Variants in OR52N1 observed in about 807,000 individuals in gnomAD.
OR52N1 encodes olfactory receptor 52N1.
In OR52N1, 11 loss-of-function variants were observed where a neutral mutation model predicts 13.9. That is an observed-to-expected ratio of 0.79 (90% CI 0.50 to 1.31). The LOEUF (loss-of-function observed/expected upper bound fraction) is 1.31. Ranked by LOEUF, OR52N1 falls within the 40% of genes most tolerant of loss-of-function variation. OR52N1 has a pLI of 0.00. For synonymous variants in OR52N1, 142 were observed against 143.7 expected, an observed-to-expected ratio of 0.99 and a Z score of 0.08; for missense variants, 414 against 397.7, an observed-to-expected ratio of 1.04 and a Z score of -0.35.
In OR52N1 at chr11:5,788,630, C is replaced by A. The variant is rs1854623838; in HGVS notation, c.187G>T (p.Val63Phe). 1 of 1,613,936 alleles carries A rather than the reference C, an allele frequency of 6.2e-7. No individual in the cohort carries two copies. ...CDEALHRPMY[V>F]FLALLSFTDV... is the part of the protein sequence containing the mutation. The stretch of plus-strand genomic sequence containing the variant: ...GTGAAGGAAAGAAGGGCAAGGAAGA[C>A]ATACATAGGTCTGTGTAAGGCCTCA... Residue 63 changes from valine (V) to phenylalanine (F), a missense_variant, in exon 2 of 2, where the codon GTC becomes TTC. Transcript: ENST00000641645.
At chr11:5,790,915 T>A (rs1373500953) in intron 1 of OR52N1, among the ~76,000 whole-genome samples, 196 bp downstream of exon 1, 2 of 152,108 alleles carry the variant, frequency 1.3e-5, no homozygotes, top group South Asian at 4.1e-4. Flanking sequence ...TAGTTTCTTT[T>A]GCTGTGCATA....
In OR52N1 at chr11:5,786,519, A is replaced by T. The variant is rs903116588; in HGVS notation, c.*1335T>A. On this transcript the variant is annotated 3_prime_UTR_variant, in exon 2 of 2. Coordinates refer to ENST00000641645, the MANE Select transcript of OR52N1 (RefSeq NM_001001913.2). ...TTCCCACCTATGAGTGAGAACATGC[A>T]GTGTTTGGTTTTTTGTCCTTGCGAT... 3.2e-5 allele frequency: 4 copies of T among 124,878 alleles called. No individual in the cohort carries two copies. The Admixed American group carries it at 3.6e-4, about 11-fold the overall frequency. The allele number at this position is 124,878 out of a possible 1,614,324, so 7.7% of individuals were successfully genotyped here.
In OR52N1 at chr11:5,786,877, G is replaced by T. The variant is rs1048180752; in HGVS notation, c.*977C>A. 1 of 139,986 alleles carries T rather than the reference G, an allele frequency of 7.1e-6. No individual in the cohort carries two copies. The highest frequency in any genetic ancestry group is 2.6e-5 in the African/African-American group (1 of 38,188). 8.7% of individuals were successfully genotyped at this position (139,986 alleles called of 1,614,324 possible). A position where few individuals can be genotyped will look rare whatever the true frequency, so the allele number is the denominator to read the frequency against. On this transcript the variant is annotated 3_prime_UTR_variant, in exon 2 of 2. Coordinates refer to ENST00000641645, the MANE Select transcript of OR52N1 (RefSeq NM_001001913.2). ...AAGTTAACATACTTCTGAAAGAAAA[G>T]AAAGTATATATACTTTGTAAACTAT... is the stretch of plus-strand genomic sequence containing the variant.
rs1854593504 is a variant in OR52N1 at position 5,786,481 on chromosome 11, T to C, written c.*1373A>G. ...TGTTCCCCTTCCTGTGTCCAAGTGTTCTCATTGTTCAATTCCCACCTATGA... is the reference window on the plus strand; with the variant it reads ...TGTTCCCCTTCCTGTGTCCAAGTGTCCTCATTGTTCAATTCCCACCTATGA... On this transcript the variant is annotated 3_prime_UTR_variant, in exon 2 of 2. Coordinates refer to ENST00000641645, the MANE Select transcript of OR52N1 (RefSeq NM_001001913.2). 3 of 114,744 alleles carry C rather than the reference T, an allele frequency of 2.6e-5. 1 individual carries two copies. The Admixed American group carries it at 2.9e-4, about 11-fold the overall frequency. 7.1% of individuals were successfully genotyped at this position (114,744 alleles called of 1,614,324 possible).
In OR52N1 at chr11:5,788,877, A is replaced by C; in HGVS notation, c.-44-17T>G. On this transcript the variant is annotated splice_polypyrimidine_tract_variant and intron_variant, in intron 1 of 1. Coordinates refer to ENST00000641645, the MANE Select transcript of OR52N1 (RefSeq NM_001001913.2). ...GCATTGCCTCTGTGAGCAGGAAATA[A>C]AAAAAAGAGTAATTTCAAGGAGTGA... The C allele has an allele frequency of 7.3e-7, 1 of 1,366,378 alleles. No homozygotes were observed. Among genetic ancestry groups the C allele is most frequent in the Non-Finnish European group, 9.4e-7 (1 of 1,062,288 alleles). 84.6% of individuals were successfully genotyped at this position (1,366,378 alleles called of 1,614,324 possible). A position where few individuals can be genotyped will look rare whatever the true frequency, so the allele number is the denominator to read the frequency against.
chr11:5,789,497 G>C (rs1200907292), intron 1 of OR52N1, among the ~76,000 whole-genome samples: 2 of 151,982 alleles, frequency 1.3e-5, no homozygotes. Context: ...GATATATAGA[G>C]GATGAAGGAT....
Position 5,788,127 on chromosome 11 carries a change from T to TA in OR52N1, c.689dup (p.Ser231IlefsTer51), listed in dbSNP as rs1262269332. ...CCTTCTGTCGAGCATCTGCTGATGA[T>TA]AGACTCACAACTGCTTGAAGAATCA... On this transcript the variant is annotated frameshift_variant, in exon 2 of 2. Transcript: ENST00000641645. LOFTEE classifies it high-confidence loss of function. The TA allele has an allele frequency of 9.9e-6, 16 of 1,613,898 alleles. No homozygotes were observed. The Admixed American group carries it at 2.7e-4, about 27-fold the overall frequency.
intron 1 of OR52N1, among the ~76,000 whole-genome samples, chr11:5,790,261 T>C (rs1362828210): frequency 3.9e-5 from 6 of 152,058 alleles, no homozygotes; most frequent in African/African-American, 1.4e-4. Context: ...TAGGGCTGTA[T>C]AAATGAACTC....
rs1316915527 is a variant in OR52N1, at chr11:5,788,153, T to C, written c.664A>G (p.Met222Val). ...DILCITISYT[M>V]ILQAVVSLSS... ...AGACTCACAACTGCTTGAAGAATCA[T>C]AGTGTAGGAGATTGTAATGCACAGG... Residue 222 changes from methionine to valine, a missense_variant, in exon 2 of 2, where the codon ATG becomes GTG. Coordinates refer to ENST00000641645, the MANE Select transcript of OR52N1 (RefSeq NM_001001913.2). 5.6e-6 allele frequency: 9 copies of C among 1,613,882 alleles called. No individual in the cohort carries two copies. Among genetic ancestry groups the C allele is most frequent in the African/African-American group, 1.3e-5 (1 of 74,892 alleles).
rs781188466 is a variant in OR52N1, at chr11:5,788,306, A to G, written c.511T>C (p.Cys171Arg). The G allele has an allele frequency of 1.9e-6, 3 of 1,614,052 alleles. 1 individual carries two copies. In the South Asian group the frequency reaches 3.3e-5, roughly 18 times the overall value. Residue 171 changes from cysteine to arginine, a missense_variant, in exon 2 of 2, where the codon TGC becomes CGC. Cys to Arg is a radical substitution (Grantham distance 180). Transcript: ENST00000641645. ...STFLTKRLPY[C>R]KGNVIPHTYC... is the part of the protein sequence containing the mutation. ...GTGTGGGGTATGACGTTGCCCTTGC[A>G]GTATGGAAGGCGCTTGGTGAGGAAA...
rs1854638409 is a variant in OR52N1, at chr11:5,790,000, A to ATT, written c.-45+1109_-45+1110dup. Among the ~76,000 whole-genome samples the ATT allele has an allele frequency of 2.6e-5, 4 of 152,228 alleles. No individual in the cohort carries two copies. The South Asian group carries it at 8.3e-4, about 32-fold the overall frequency. ...TATCAGCCGGAATGTGTTGATTAAAATTTTTTAAAAGGAGCAAGTTGTGTG... is the reference window on the plus strand; with the variant it reads ...TATCAGCCGGAATGTGTTGATTAAAATTTTTTTTAAAAGGAGCAAGTTGTGTG... On this transcript the variant is annotated intron_variant, in intron 1 of 1. Transcript: ENST00000641645.
rs1467260512 is a variant in OR52N1 at position 5,788,473 on chromosome 11, C to G, written c.344G>C (p.Gly115Ala). 1 of 1,614,038 alleles carries G rather than the reference C, an allele frequency of 6.2e-7. No individual in the cohort carries two copies. Among genetic ancestry groups the G allele is most frequent in the Non-Finnish European group, 8.5e-7 (1 of 1,179,960 alleles). The change falls in exon 2 of 2, where the codon GGG (glycine) becomes GCG (alanine). Residue 115 changes from glycine to alanine, a missense_variant. Physicochemically the swap from Gly to Ala is moderately conservative, Grantham distance 60 (BLOSUM62 0). Transcript: ENST00000641645. ...FVHTFTGMES[G>A]VLMLMALDHC... ...GTCCAGGGCCATGAGCATGAGCACC[C>G]CAGACTCCATCCCTGTGAAGGTGTG...
At chr11:5,789,047 G>C (rs1007307797) in intron 1 of OR52N1, among the ~76,000 whole-genome samples, 187 bp from the exon 2 acceptor site, 5 of 152,154 alleles carry the variant, frequency 3.3e-5, no homozygotes, top group Admixed American at 6.6e-5. Flanking sequence ...GAAAAACTGA[G>C]TCTAGTCAGT....
Position 5,788,866 on chromosome 11 carries a change from A to G in OR52N1, c.-44-6T>C, listed in dbSNP as rs769356664. 1 of 1,392,672 alleles carries G rather than the reference A, an allele frequency of 7.2e-7. No homozygotes were observed. Among genetic ancestry groups the G allele is most frequent in the Non-Finnish European group, 9.3e-7 (1 of 1,079,736 alleles). The allele number at this position is 1,392,672 out of a possible 1,614,324, so 86.3% of individuals were successfully genotyped here. The stretch of plus-strand genomic sequence containing the variant: ...TAGCAGTTATAGCATTGCCTCTGTG[A>G]GCAGGAAATAAAAAAAAGAGTAATT... On this transcript the variant is annotated splice_polypyrimidine_tract_variant and splice_region_variant and intron_variant, in intron 1 of 1. Transcript: ENST00000641645.
chr11:5,788,575 G>T lies in OR52N1; in HGVS notation c.242C>A (p.Pro81His). 8 of 1,613,566 alleles carry T rather than the reference G, an allele frequency of 5.0e-6. No individual in the cohort carries two copies. Among genetic ancestry groups the T allele is most frequent in the Non-Finnish European group, 6.8e-6 (8 of 1,179,612 alleles). Residue 81 changes from proline to histidine, a missense_variant, in exon 2 of 2, where the codon CCC (proline) becomes CAC (histidine). By Grantham distance (77) the Pro-to-His change is moderately conservative (BLOSUM62 -2). Coordinates refer to ENST00000641645, the MANE Select transcript of OR52N1 (RefSeq NM_001001913.2). ...TDVLMCTSTL[P>H]NTLFILWFNL... Reference sequence around the variant, plus strand: ...AAACCACAATATGAAGAGAGTGTTGGGAAGGGTGCTGGTGCACATGAGCAC... The same window carrying T: ...AAACCACAATATGAAGAGAGTGTTGTGAAGGGTGCTGGTGCACATGAGCAC...
rs1036212485 is a variant in OR52N1 at position 5,788,590 on chromosome 11, C to A, written c.227G>T (p.Cys76Phe). Residue 76 changes from cysteine (C) to phenylalanine (F), a missense_variant, in exon 2 of 2, where the codon TGC (cysteine) becomes TTC (phenylalanine). Cys to Phe is a radical substitution (Grantham distance 205). Transcript: ENST00000641645. ...GAGAGTGTTGGGAAGGGTGCTGGTGCACATGAGCACATCTGTGAAGGAAAG... is the reference window on the plus strand; with the variant it reads ...GAGAGTGTTGGGAAGGGTGCTGGTGAACATGAGCACATCTGTGAAGGAAAG... ...ALLSFTDVLM[C>F]TSTLPNTLFI... is the part of the protein sequence containing the mutation. 24 of 1,613,798 alleles carry A rather than the reference C, an allele frequency of 1.5e-5. No homozygotes were observed. The highest frequency in any genetic ancestry group is 2.7e-5 in the African/African-American group (2 of 74,898).
Position 5,788,513 on chromosome 11 carries a change from G to T in OR52N1, c.304C>A (p.Gln102Lys). The T allele has an allele frequency of 6.2e-7, 1 of 1,613,960 alleles. No homozygotes were observed. The highest frequency in any genetic ancestry group is 8.5e-7 in the Non-Finnish European group (1 of 1,179,920). The change falls in exon 2 of 2, where the codon CAG becomes AAG. Residue 102 changes from glutamine (Q) to lysine (K), a missense_variant. Coordinates refer to ENST00000641645, the MANE Select transcript of OR52N1 (RefSeq NM_001001913.2). ...KEIDFKACLA[Q>K]MFFVHTFTGM... ...GTGAAGGTGTGCACAAAGAACATCT[G>T]GGCGAGGCAGGCTTTAAAATCAATC...
rs758168503 is a variant in OR52N1, at chr11:5,788,231, C to T, written c.586G>A (p.Val196Ile). Residue 196 changes from valine to isoleucine, a missense_variant, in exon 2 of 2, where the codon GTT (valine) becomes ATT (isoleucine). Val to Ile is a conservative substitution (Grantham distance 29). Transcript: ENST00000641645. ...ACTATCAAACCATAGATGGCGTTAA[C>T]CCTGACATTACCACAAGATATCTTG... is the stretch of plus-strand genomic sequence containing the variant. ...VAKISCGNVR[V>I]NAIYGLIVAL... is the part of the protein sequence containing the mutation. The T allele has an allele frequency of 1.9e-6, 3 of 1,613,882 alleles. No homozygotes were observed. Among genetic ancestry groups the T allele is most frequent in the Non-Finnish European group, 2.5e-6 (3 of 1,179,974 alleles).
At chr11:5,789,134 C>A (rs936629245) in intron 1 of OR52N1, among the ~76,000 whole-genome samples, 3 of 152,164 alleles carry the variant, frequency 2.0e-5, no homozygotes, top group Non-Finnish European at 2.9e-5. Flanking sequence ...ATGAACTGAA[C>A]AACTCTGTGG....
Sources: gnomAD v4.1 joint callset for allele counts (sites outside exome capture counted in the v4.1 genomes callset) on GRCh38, gnomAD v4.1.1 for gene constraint, MANE v1.5 for transcripts, NCBI Gene and HGNC (gene_info 2026-07-23, HGNC 2026-07-21) for gene names.